MLLT3: variants seen among roughly 807,000 people sequenced by gnomAD.
MLLT3 encodes protein AF-9.
MLLT3 carries 4 observed loss-of-function variants against 53.2 expected under a neutral mutation model. The observed-to-expected ratio is 0.08, with a 90% CI of 0.04 to 0.17. MLLT3 has a LOEUF of 0.17. Among genes scored for constraint, MLLT3 ranks in the 10% least tolerant of loss-of-function variants. The pLI, the probability that MLLT3 is intolerant of heterozygous loss-of-function variation, is 1.00. For synonymous variants in MLLT3, 283 were observed against 230.6 expected (o/e 1.23, Z -2.06); for missense variants, 569 against 684.0 (o/e 0.83, Z 1.87).
In MLLT3 at chr9:20,490,635, T is replaced by TG. The variant is rs1824924312; in HGVS notation, c.194-33850dup. 3.9e-5 allele frequency among the ~76,000 whole-genome samples: 6 copies of TG among 152,222 alleles called. No homozygotes were observed. The South Asian group carries it at 1.0e-3, about 26-fold the overall frequency. ...GGAAACCCACAGCAGAGAAACAAGTTGGGGCAGTCCCAGCTTCTGACCCAG... is the reference window on the plus strand; with the variant it reads ...GGAAACCCACAGCAGAGAAACAAGTTGGGGGCAGTCCCAGCTTCTGACCCAG... On this transcript the variant is annotated intron_variant, in intron 2 of 10. Transcript: ENST00000380338.
intron 2 of MLLT3, among the ~76,000 whole-genome samples, chr9:20,619,604 G>GATAA (rs758044111): frequency 2.6e-5 from 4 of 152,230 alleles, no homozygotes; most frequent in African/African-American, 4.8e-5. Context: ...TGTCGACTTA[G>GATAA]ATAAATAAAC....
chr9:20,501,089 T>C (rs1386409910), intron 2 of MLLT3, among the ~76,000 whole-genome samples: 1 of 152,212 alleles, frequency 6.6e-6, no homozygotes, highest in African/African-American at 2.4e-5. Flanking sequence ...AATTTACCAA[T>C]TATGGTTCAT....
At chr9:20,602,761 TACAC>T (rs3086486) in intron 2 of MLLT3, among the ~76,000 whole-genome samples, 41,023 of 147,084 alleles carry the variant, frequency 0.28, 5,547 homozygotes, top group East Asian at 0.34. Flanking sequence ...TTAAGTTTGA[TACAC>T]ACACACACAC....
chr9:20,614,836 G>A (rs1587134299), intron 2 of MLLT3, among the ~76,000 whole-genome samples: 1 of 140,118 alleles, frequency 7.1e-6, no homozygotes, highest in South Asian at 2.3e-4. Flanking sequence ...TGACTAGAAA[G>A]GCAAGAAAGG....
chr9:20,367,219 C>A (rs185860321), intron 5 of MLLT3, among the ~76,000 whole-genome samples: 1 of 152,322 alleles, frequency 6.6e-6, no homozygotes, highest in African/African-American at 2.4e-5. Context: ...CCAGAAAGTT[C>A]CACATCCTCT....
chr9:20,560,985 T>A (rs1819195001), intron 2 of MLLT3, among the ~76,000 whole-genome samples: 1 of 152,172 alleles, frequency 6.6e-6, no homozygotes, highest in South Asian at 2.1e-4. Context: ...AAATGTTATA[T>A]CTATAAATTG....
At chr9:20,590,391 T>C (rs1258125063) in intron 2 of MLLT3, among the ~76,000 whole-genome samples, 2 of 152,316 alleles carry the variant, frequency 1.3e-5, no homozygotes, top group South Asian at 4.1e-4. Context: ...AATCTCCACA[T>C]GCGGAGGCAG....
In MLLT3 at chr9:20,506,933, A is replaced by C. The variant is rs141369365; in HGVS notation, c.194-50147T>G. On this transcript the variant is annotated intron_variant, in intron 2 of 10. Transcript: ENST00000380338. Reference sequence around the variant, plus strand: ...AGTAGTAGTTAATCACTTGCTATTTAAGTAGGGGGTGGGTATCACTTAAAA... The same window carrying C: ...AGTAGTAGTTAATCACTTGCTATTTCAGTAGGGGGTGGGTATCACTTAAAA... Among the ~76,000 whole-genome samples the C allele has an allele frequency of 3.1e-3, 470 of 152,348 alleles. 4 individuals carry two copies. The highest frequency in any genetic ancestry group is 0.011 in the African/African-American group (449 of 41,584).
rs566202537 is a variant in MLLT3 at position 20,405,898 on chromosome 9, T to G, written c.1125+7823A>C. Among the ~76,000 whole-genome samples the G allele has an allele frequency of 1.1e-4, 16 of 152,166 alleles. 1 individual carries two copies. Among genetic ancestry groups the G allele is most frequent in the African/African-American group, 3.9e-4 (16 of 41,526 alleles). The stretch of plus-strand genomic sequence containing the variant: ...AGGCCAAGGAGGGTGGATCACCTGA[T>G]GTCAGGAGTTTGAGACCAGCCTGGC... On this transcript the variant is annotated intron_variant, in intron 5 of 10. Coordinates refer to ENST00000380338, the MANE Select transcript of MLLT3 (RefSeq NM_004529.4).
In MLLT3 at chr9:20,506,997, T is replaced by C. The variant is rs1391203002; in HGVS notation, c.194-50211A>G. Among the ~76,000 whole-genome samples the C allele has an allele frequency of 2.0e-5, 3 of 152,228 alleles. 1 individual carries two copies. The highest frequency in any genetic ancestry group is 4.4e-5 in the Non-Finnish European group (3 of 68,034). ...AAACATGTAAAATTAATTCTCTTTG[T>C]TCCAAATCAACACTTACTATTCAAT... On this transcript the variant is annotated intron_variant, in intron 2 of 10. Transcript: ENST00000380338.
Position 20,413,703 on chromosome 9 carries a change from C to G in MLLT3, c.1125+18G>C, listed in dbSNP as rs775575667. 1 of 1,532,076 alleles carries G rather than the reference C, an allele frequency of 6.5e-7. No homozygotes were observed. Among genetic ancestry groups the G allele is most frequent in the Admixed American group, 2.2e-5 (1 of 44,548 alleles). The allele number at this position is 1,532,076 out of a possible 1,614,324, so 94.9% of individuals were successfully genotyped here. On this transcript the variant is annotated intron_variant, in intron 5 of 10. Coordinates refer to ENST00000380338, the MANE Select transcript of MLLT3 (RefSeq NM_004529.4). Reference sequence around the variant, plus strand: ...CTGAAAATAAGGGAAAGGAAGAAAGCCAGTAAGAACTACTCACATCAGATT... The same window carrying G: ...CTGAAAATAAGGGAAAGGAAGAAAGGCAGTAAGAACTACTCACATCAGATT...
chr9:20,434,305 A>G (rs1823349130), intron 4 of MLLT3, among the ~76,000 whole-genome samples: 1 of 152,102 alleles, frequency 6.6e-6, no homozygotes, highest in Non-Finnish European at 1.5e-5. Flanking sequence ...TTCAGGGACA[A>G]CGGAGCATCA....
Position 20,502,917 on chromosome 9 carries a change from C to T in MLLT3, c.194-46131G>A, listed in dbSNP as rs949409174. Among the ~76,000 whole-genome samples, 13 of 152,246 alleles carry T rather than the reference C, an allele frequency of 8.5e-5. No individual in the cohort carries two copies. The South Asian group carries it at 1.0e-3, about 12-fold the overall frequency. On this transcript the variant is annotated intron_variant, in intron 2 of 10. Transcript: ENST00000380338. The stretch of plus-strand genomic sequence containing the variant: ...TCTGTATATGCTAACAATGAGCTAT[C>T]TGAAAGATAAATTAAGAAAACAATC...
chr9:20,409,847 TTTCA>T lies in MLLT3; in HGVS notation c.1125+3870_1125+3873del, dbSNP rs763664012. On this transcript the variant is annotated intron_variant, in intron 5 of 10. Coordinates refer to ENST00000380338, the MANE Select transcript of MLLT3 (RefSeq NM_004529.4). ...CACAAAATGTATTTAAAAATTATTC[TTTCA>T]GTTATATTAACAGTAACTCAAAGAT... is the stretch of plus-strand genomic sequence containing the variant. Among the ~76,000 whole-genome samples, 9 of 152,330 alleles carry T rather than the reference TTTCA, an allele frequency of 5.9e-5. No individual in the cohort carries two copies. In the South Asian group the frequency reaches 6.2e-4, roughly 11 times the overall value.
chr9:20,357,090 TACA>T (rs1429465982), intron 8 of MLLT3, among the ~76,000 whole-genome samples: 2 of 152,218 alleles, frequency 1.3e-5, no homozygotes, highest in African/African-American at 2.4e-5. Flanking sequence ...AATAAAAAAG[TACA>T]ACACCTTGTC....
chr9:20,524,082 G>C (rs995336952), intron 2 of MLLT3, among the ~76,000 whole-genome samples: 1 of 152,032 alleles, frequency 6.6e-6, no homozygotes, highest in Non-Finnish European at 1.5e-5. Context: ...TTTTTGGACA[G>C]TGAAACTGCT....
intron 3 of MLLT3, among the ~76,000 whole-genome samples, chr9:20,453,591 A>G (rs533084807): frequency 1.6e-4 from 24 of 152,238 alleles, no homozygotes; most frequent in African/African-American, 5.5e-4. Context: ...TTATATATGT[A>G]AGCTTCTTCA....
chr9:20,375,552 T>TG (rs1401339461), intron 5 of MLLT3, among the ~76,000 whole-genome samples: 1 of 152,086 alleles, frequency 6.6e-6, no homozygotes, highest in African/African-American at 2.4e-5. Context: ...CCAATCAATA[T>TG]TACAATGAAT....
chr9:20,608,376 A>C (rs547079920), intron 2 of MLLT3, among the ~76,000 whole-genome samples: 5,171 of 151,996 alleles, frequency 0.034, 138 homozygotes, highest in Non-Finnish European at 0.054. Context: ...CACAGGAAAA[A>C]AGGGCCAGAA....
Sources: allele counts gnomAD v4.1 joint callset (sites outside exome capture counted in the v4.1 genomes callset), GRCh38; gene constraint gnomAD v4.1.1; transcripts MANE v1.5; gene names NCBI Gene and HGNC (gene_info 2026-07-23, HGNC 2026-07-21).